Variants in XPO1 observed in about 807,000 individuals in gnomAD.
XPO1 encodes exportin 1.
A neutral mutation model predicts 133.3 loss-of-function variants in XPO1; 5 were observed. The observed-to-expected ratio is 0.04, with a 90% CI of 0.02 to 0.08. The LOEUF (loss-of-function observed/expected upper bound fraction) is 0.08, where lower values mean the gene tolerates loss of function less well. Among genes scored for constraint, XPO1 ranks in the 10% least tolerant of loss-of-function variants. XPO1 has a pLI of 1.00. For synonymous variants in XPO1, 419 were observed against 408.2 expected, an observed-to-expected ratio of 1.03 and a Z score of -0.32; for missense variants, 506 against 1,267.5, an observed-to-expected ratio of 0.40 and a Z score of 9.12.
chr2:61,485,530 G>A (rs558910617), intron 20 of XPO1: 2 of 189,950 alleles, frequency 1.1e-5, no homozygotes, highest in East Asian at 2.7e-4. Context: ...ATGCCACCAT[G>A]ACTGGTTACT....
chr2:61,504,535 T>C (rs1378394845), intron 4 of XPO1, among the ~76,000 whole-genome samples: 1 of 152,200 alleles, frequency 6.6e-6, no homozygotes, highest in Non-Finnish European at 1.5e-5. Flanking sequence ...ATTATGAAGA[T>C]TTTTCATTTT....
chr2:61,528,733 T>TTTTATA (rs1699021114), intron 2 of XPO1, among the ~76,000 whole-genome samples: 5 of 115,826 alleles, frequency 4.3e-5, no homozygotes, highest in Admixed American at 9.8e-5. Context: ...GACATTTTAT[T>TTTTATA]TATATATATA....
At chr2:61,491,498 C>A (rs909325605) in intron 16 of XPO1, among the ~76,000 whole-genome samples, 9 of 123,878 alleles carry the variant, frequency 7.3e-5, no homozygotes, top group East Asian at 6.5e-4. Context: ...ACACACACAC[C>A]CCAAAACAAA....
At chr2:61,482,034 C>CTTTTTTTTTTTTTTTT (rs1195049382) in intron 23 of XPO1, among the ~76,000 whole-genome samples, 8 of 71,366 alleles carry the variant, frequency 1.1e-4, no homozygotes, top group African/African-American at 1.5e-4. Flanking sequence ...CGTGCGTGGC[C>CTTTTTTTTTTTTTTTT]TTTTTTTTTT....
In XPO1 at chr2:61,513,346, G is replaced by A. The variant is rs1230338961; in HGVS notation, c.301+9265C>T. Among the ~76,000 whole-genome samples the A allele has an allele frequency of 2.2e-5, 3 of 136,762 alleles. No individual in the cohort carries two copies. The Admixed American group carries it at 2.4e-4, about 11-fold the overall frequency. 89.7% of individuals were successfully genotyped at this position (136,762 alleles called of 152,430 possible). A position where few individuals can be genotyped will look rare whatever the true frequency, so the allele number is the denominator to read the frequency against. On this transcript the variant is annotated intron_variant, in intron 4 of 24. Coordinates refer to ENST00000401558, the MANE Select transcript of XPO1 (RefSeq NM_003400.4). ...AGCTAAAACTATAAAGGTTCTATAA[G>A]AAAACGTACAGAATATCTTTTTTTT...
In XPO1 at chr2:61,482,605, TTG is replaced by T. The variant is rs1482077627; in HGVS notation, c.2813-68_2813-67del. On this transcript the variant is annotated intron_variant, in intron 22 of 24. Transcript: ENST00000401558. ...TAACTATAGATCTTAGCGTTTTTTT[TTG>T]TTTTGTTTTTTTTTTTTAGACGGAG... The T allele has an allele frequency of 4.2e-5, 56 of 1,323,720 alleles. No homozygotes were observed. The African/African-American group carries it at 7.0e-4, about 17-fold the overall frequency. 82.0% of individuals were successfully genotyped at this position (1,323,720 alleles called of 1,614,324 possible).
At chr2:61,479,053 G>A in intron 24 of XPO1, 87 bp from the exon 25 acceptor site, 2 of 1,451,474 alleles carry the variant, frequency 1.4e-6, no homozygotes, top group Non-Finnish European at 1.9e-6. Context: ...CCTTTTTAGA[G>A]AAGGAAGGAA....
At position 61,522,594 on chromosome 2, in the gene XPO1, A is replaced by G. The variant is rs201145041; in HGVS notation, c.301+17T>C. 23 of 1,606,602 alleles carry G rather than the reference A, an allele frequency of 1.4e-5. No individual in the cohort carries two copies. In the East Asian group the frequency reaches 4.0e-4, roughly 28 times the overall value. ...GGAAAAACAAAACTCTGAATTTATA[A>G]TTCTTTATTTTCCTACCTTCGCACT... is the stretch of plus-strand genomic sequence containing the variant. On this transcript the variant is annotated intron_variant, in intron 4 of 24. Coordinates refer to ENST00000401558, the MANE Select transcript of XPO1 (RefSeq NM_003400.4).
Position 61,485,916 on chromosome 2 carries a change from T to A in XPO1, c.2360A>T (p.Asp787Val). ...AGCAGCTGGGACATTTCTCTGATAA[T>A]CAATGAGAACTGCATCCAACAGAGG... ...VPPLLDAVLIDYQRNVPAARE... is the reference protein window; with the variant it reads ...VPPLLDAVLIVYQRNVPAARE... Residue 787 changes from aspartate to valine, a missense_variant, in exon 20 of 25, where the codon GAT becomes GTT. Coordinates refer to ENST00000401558, the MANE Select transcript of XPO1 (RefSeq NM_003400.4). The A allele has an allele frequency of 6.2e-7, 1 of 1,613,960 alleles. No individual in the cohort carries two copies. The highest frequency in any genetic ancestry group is 8.5e-7 in the Non-Finnish European group (1 of 1,179,940).
chr2:61,524,975 C>G (rs1413153997), intron 3 of XPO1, among the ~76,000 whole-genome samples: 1 of 151,524 alleles, frequency 6.6e-6, no homozygotes, highest in Non-Finnish European at 1.5e-5. Flanking sequence ...AAGTGACAGT[C>G]AAATCTGAAA....
chr2:61,522,351 C>T (rs1051860776), intron 4 of XPO1, among the ~76,000 whole-genome samples: 2 of 152,212 alleles, frequency 1.3e-5, no homozygotes, highest in Non-Finnish European at 2.9e-5. Context: ...GCCACTGTGC[C>T]ATAGCCCATA....
chr2:61,526,294 T>G, intron 3 of XPO1, 126 bp downstream of exon 3: 3 of 1,460,736 alleles, frequency 2.1e-6, no homozygotes, highest in Non-Finnish European at 2.7e-6. Context: ...GACTAAATTT[T>G]GAAACAAATT....
intron 16 of XPO1, 143 bp from the exon 17 acceptor site, chr2:61,490,919 C>T (rs1242205264): frequency 2.0e-6 from 2 of 994,062 alleles, no homozygotes; most frequent in East Asian, 2.5e-5. Context: ...CTTTGAGAAG[C>T]CAAGGCAGGC....
chr2:61,504,573 G>A (rs1014616979), intron 4 of XPO1, among the ~76,000 whole-genome samples: 7 of 152,182 alleles, frequency 4.6e-5, no homozygotes, highest in African/African-American at 1.7e-4. Flanking sequence ...TGGAAAAGCA[G>A]TTAAAGGTTG....
chr2:61,519,430 G>A (rs1020857753), intron 4 of XPO1, among the ~76,000 whole-genome samples: 12 of 151,902 alleles, frequency 7.9e-5, no homozygotes, highest in African/African-American at 2.7e-4. Context: ...CCAGGCAGTG[G>A]CTCATGCCTG....
chr2:61,477,894 T>C lies in XPO1; in HGVS notation c.*926A>G, dbSNP rs938254124. ...TTGATGCTTAAACACAAATACCCAC[T>C]ATCATTAATATAGGAATAAATGAGT... On this transcript the variant is annotated 3_prime_UTR_variant, in exon 25 of 25. Transcript: ENST00000401558. 5 of 208,702 alleles carry C rather than the reference T, an allele frequency of 2.4e-5. No homozygotes were observed. The highest frequency in any genetic ancestry group is 1.1e-4 in the African/African-American group (5 of 43,936). The allele number at this position is 208,702 out of a possible 1,614,324, so 12.9% of individuals were successfully genotyped here.
At chr2:61,510,713 G>C (rs965402933) in intron 4 of XPO1, among the ~76,000 whole-genome samples, 7 of 152,060 alleles carry the variant, frequency 4.6e-5, no homozygotes, top group Admixed American at 6.6e-5. Context: ...TGAGGCAGAG[G>C]ATCGCTTGAG....
At chr2:61,506,753 G>A (rs539376033) in intron 4 of XPO1, among the ~76,000 whole-genome samples, 107 of 151,950 alleles carry the variant, frequency 7.0e-4, no homozygotes, top group Admixed American at 1.8e-3. Flanking sequence ...GTAGAAAATC[G>A]AAATGTTTCT....
intron 4 of XPO1, among the ~76,000 whole-genome samples, chr2:61,519,785 A>G (rs1698600998): frequency 1.3e-5 from 2 of 152,072 alleles, no homozygotes; most frequent in South Asian, 4.1e-4. Context: ...CAAATTCTAC[A>G]TCAGAAAAAA....
Sources: allele counts gnomAD v4.1 joint callset (sites outside exome capture counted in the v4.1 genomes callset), GRCh38; gene constraint gnomAD v4.1.1; transcripts MANE v1.5; gene names NCBI Gene and HGNC (gene_info 2026-07-23, HGNC 2026-07-21).